The following IER3IP1 variants were observed in gnomAD, a reference collection of about 807,000 sequenced individuals.
IER3IP1 encodes immediate early response 3-interacting protein 1.
Under a neutral mutation model 12.2 loss-of-function variants are expected in IER3IP1, and 16 were observed. The ratio of observed to expected loss-of-function variants is 1.31; its 90% CI spans 0.89 to 1.99. The LOEUF is 1.99. Among genes scored for constraint, IER3IP1 ranks in the 30% most tolerant of loss-of-function variants. IER3IP1 has a pLI of 0.00. For missense variants in IER3IP1, 95 were observed against 95.8 expected, an observed-to-expected ratio of 0.99 and a Z score of 0.03; for synonymous variants, 42 against 40.0, an observed-to-expected ratio of 1.05 and a Z score of -0.19.
chr18:47,160,725 A>G (rs907767698), intron 1 of IER3IP1, among the ~76,000 whole-genome samples: 1 of 152,212 alleles, frequency 6.6e-6, no homozygotes, highest in Non-Finnish European at 1.5e-5. Context: ...ATTAGGAATT[A>G]TGGCATCCAG....
Position 47,156,034 on chromosome 18 carries a change from T to A in IER3IP1, c.*143A>T. 1.6e-6 allele frequency: 1 copy of A among 629,368 alleles called. No individual in the cohort carries two copies. Among genetic ancestry groups the A allele is most frequent in the Non-Finnish European group, 2.8e-6 (1 of 351,496 alleles). 39.0% of individuals were successfully genotyped at this position (629,368 alleles called of 1,614,324 possible). On this transcript the variant is annotated 3_prime_UTR_variant, in exon 3 of 3. Coordinates refer to ENST00000256433, the MANE Select transcript of IER3IP1 (RefSeq NM_016097.5). ...AACATTAAAAAAAAAAACAGATAAA[T>A]AGAAACCCTGGTTTTATTTTCAGCT...
At chr18:47,176,082 GTTC>G (rs2064032282) in intron 1 of IER3IP1, 102 bp downstream of exon 1, 6 of 937,910 alleles carry the variant, frequency 6.4e-6, no homozygotes, top group Non-Finnish European at 1.0e-5. Flanking sequence ...GCCTTCCGCT[GTTC>G]TTCTGTCCCG....
At chr18:47,173,404 T>C (rs1379050151) in intron 1 of IER3IP1, among the ~76,000 whole-genome samples, 2 of 152,130 alleles carry the variant, frequency 1.3e-5, no homozygotes, top group Non-Finnish European at 2.9e-5. Context: ...TGGAGTGCAG[T>C]GGCGTGATCT....
chr18:47,165,552 C>CAAA (rs34723400), intron 1 of IER3IP1, among the ~76,000 whole-genome samples: 1,579 of 122,144 alleles, frequency 0.013, 32 homozygotes, highest in Middle Eastern at 0.017. Flanking sequence ...GACTCTGTCT[C>CAAA]AAAAAAAAAA....
intron 1 of IER3IP1, among the ~76,000 whole-genome samples, chr18:47,163,520 C>T (rs562574849): frequency 1.3e-5 from 2 of 152,292 alleles, no homozygotes; most frequent in East Asian, 3.9e-4. Context: ...CTGCATGTAA[C>T]TGAAACTGTG....
In IER3IP1 at chr18:47,163,672, G is replaced by T. The variant is rs1403685977; in HGVS notation, c.92-6135C>A. ...TTCTAAGGAATGGGGCTCAGGTCGA[G>T]GAGGAATGAGGCAAATGGCTTCTAT... On this transcript the variant is annotated intron_variant, in intron 1 of 2. Coordinates refer to ENST00000256433, the MANE Select transcript of IER3IP1 (RefSeq NM_016097.5). Among the ~76,000 whole-genome samples the T allele has an allele frequency of 2.6e-5, 4 of 152,140 alleles. No individual in the cohort carries two copies. In the East Asian group the frequency reaches 7.7e-4, roughly 29 times the overall value.
intron 1 of IER3IP1, among the ~76,000 whole-genome samples, chr18:47,165,166 A>G (rs2063992238): frequency 6.6e-6 from 1 of 152,244 alleles, no homozygotes; most frequent in Non-Finnish European, 1.5e-5. Context: ...CCAAGTTTAC[A>G]TGTGATCAAA....
chr18:47,161,862 G>C (rs1309945722), intron 1 of IER3IP1, among the ~76,000 whole-genome samples: 1 of 151,550 alleles, frequency 6.6e-6, no homozygotes, highest in East Asian at 1.9e-4. Context: ...CCTGCAACTA[G>C]ATGGCCCCAA....
intron 1 of IER3IP1, among the ~76,000 whole-genome samples, chr18:47,160,912 AC>A (rs1222354528): frequency 6.6e-6 from 1 of 152,106 alleles, no homozygotes; most frequent in African/African-American, 2.4e-5. Flanking sequence ...TGAGTCTTTT[AC>A]ATTCTTTTGT....
chr18:47,163,670 G>A (rs547627600), intron 1 of IER3IP1, among the ~76,000 whole-genome samples: 18 of 152,314 alleles, frequency 1.2e-4, no homozygotes, highest in Non-Finnish European at 1.6e-4. Flanking sequence ...GGCTCAGGTC[G>A]AGGAGGAATG....
At position 47,172,002 on chromosome 18, in the gene IER3IP1, G is replaced by A. The variant is rs55840418; in HGVS notation, c.91+4185C>T. ...TCTCCACGTTGGCCAGGCTGGTCTC[G>A]AACTCCTGACCTCAAGTGATCCGCC... is the stretch of plus-strand genomic sequence containing the variant. On this transcript the variant is annotated intron_variant, in intron 1 of 2. Transcript: ENST00000256433. The surrounding 1 kb of genome is among the most constrained non-coding windows in gnomAD (Gnocchi z 4.0). 3.3e-5 allele frequency among the ~76,000 whole-genome samples: 5 copies of A among 150,856 alleles called. No individual in the cohort carries two copies. The highest frequency in any genetic ancestry group is 4.1e-4 in the South Asian group (2 of 4,824).
chr18:47,168,408 T>G (rs2064004161), intron 1 of IER3IP1, among the ~76,000 whole-genome samples: 1 of 152,166 alleles, frequency 6.6e-6, no homozygotes, highest in Non-Finnish European at 1.5e-5. Context: ...TGAACATTAT[T>G]CAGCCTGTAG....
intron 1 of IER3IP1, among the ~76,000 whole-genome samples, chr18:47,161,277 T>A (rs549189920): frequency 6.6e-6 from 1 of 152,310 alleles, no homozygotes; most frequent in East Asian, 1.9e-4. Flanking sequence ...TAAAACTAAT[T>A]TAAAATTCAA....
chr18:47,160,566 A>G (rs2063976691), intron 1 of IER3IP1, among the ~76,000 whole-genome samples: 2 of 152,186 alleles, frequency 1.3e-5, no homozygotes, highest in Admixed American at 6.5e-5. Flanking sequence ...GCAAATAAAG[A>G]CAAGAACATG....
Position 47,170,618 on chromosome 18 carries a change from A to G in IER3IP1, c.91+5569T>C, listed in dbSNP as rs115593035. On this transcript the variant is annotated intron_variant, in intron 1 of 2. Transcript: ENST00000256433. ...CATAGCATGAAACTTGTACTGTTAA[A>G]TTTATTCCTAAGTATTTCATCCTTC... 7.3e-3 allele frequency among the ~76,000 whole-genome samples: 1,114 copies of G among 152,182 alleles called. 9 individuals carry two copies. The highest frequency in any genetic ancestry group is 0.025 in the African/African-American group (1,025 of 41,542).
chr18:47,176,052 C>T, intron 1 of IER3IP1, 135 bp downstream of exon 1: 2 of 757,188 alleles, frequency 2.6e-6, no homozygotes. Context: ...AGGAAAGGCT[C>T]GGCTTCCACT....
chr18:47,176,270 A>C lies in IER3IP1; in HGVS notation c.8T>G (p.Phe3Cys), dbSNP rs1166566606. The change falls in exon 1 of 3, where the codon TTT becomes TGT. Residue 3 changes from phenylalanine to cysteine, a missense_variant. Coordinates refer to ENST00000256433, the MANE Select transcript of IER3IP1 (RefSeq NM_016097.5). MA[F>C]TLYSLLQAAL... ...TGCCTGCAGCAGTGAGTACAGGGTA[A>C]AGGCCATGGCCGTCCGAGGCCGCCC... 2.5e-6 allele frequency: 4 copies of C among 1,608,574 alleles called. No homozygotes were observed. The highest frequency in any genetic ancestry group is 3.4e-6 in the Non-Finnish European group (4 of 1,177,724).
rs1248720682 is a variant in IER3IP1, at chr18:47,154,978, A to C, written c.*1199T>G. 1 of 152,224 alleles carries C rather than the reference A, an allele frequency of 6.6e-6. No homozygotes were observed. Among genetic ancestry groups the C allele is most frequent in the Non-Finnish European group, 1.5e-5 (1 of 68,034 alleles). 9.4% of individuals were successfully genotyped at this position (152,224 alleles called of 1,614,324 possible). On this transcript the variant is annotated 3_prime_UTR_variant, in exon 3 of 3. Transcript: ENST00000256433. ...AAAGAACATATAATAAGAGGTGTTC[A>C]CCCAAAATGGAGATTAATGCAGTTA...
intron 1 of IER3IP1, among the ~76,000 whole-genome samples, chr18:47,163,234 G>A (rs113562633): frequency 0.014 from 2,111 of 152,256 alleles, 48 homozygotes; most frequent in African/African-American, 0.048. Flanking sequence ...ACACTTTAGG[G>A]TCATTATTAA....
Sources: allele counts gnomAD v4.1 joint callset (sites outside exome capture counted in the v4.1 genomes callset), GRCh38; gene constraint gnomAD v4.1.1; non-coding constraint Gnocchi (gnomAD v3.1); transcripts MANE v1.5; gene names NCBI Gene and HGNC (gene_info 2026-07-23, HGNC 2026-07-21).